VAC14: variants seen among roughly 807,000 people sequenced by gnomAD.
VAC14 encodes VAC14 component of PIKFYVE complex, also known as protein VAC14 homolog.
A neutral mutation model predicts 85.3 loss-of-function variants in VAC14; 47 were observed. The ratio of observed to expected loss-of-function variants is 0.55; its 90% confidence interval spans 0.44 to 0.70. VAC14 has a LOEUF of 0.70. Ranked by LOEUF, VAC14 falls within the 30% of genes least tolerant of loss-of-function variation. The probability of loss-of-function intolerance (pLI) is 0.00; values close to 1 mark genes in which losing one functional copy is unlikely to be tolerated. For synonymous variants in VAC14, 447 were observed against 430.5 expected (o/e 1.04, Z -0.47); for missense variants, 861 against 1,004.3 (o/e 0.86, Z 1.93).
At chr16:70,707,094 C>A (rs71401828) in intron 14 of VAC14, among the ~76,000 whole-genome samples, 1 of 152,192 alleles carries the variant, frequency 6.6e-6, no homozygotes, top group African/African-American at 2.4e-5. Context: ...GGAGTAGCCT[C>A]CCATCTCTAG....
chr16:70,759,364 T>C lies in VAC14; in HGVS notation c.1371+3176A>G, dbSNP rs185837772. On this transcript the variant is annotated intron_variant, in intron 12 of 18. Transcript: ENST00000261776. Reference sequence around the variant, plus strand: ...CATACCAGCTGGGCATGGTGGCTCATGCCTGTAATCCCAGCACTTCGGGAG... The same window carrying C: ...CATACCAGCTGGGCATGGTGGCTCACGCCTGTAATCCCAGCACTTCGGGAG... 8.5e-5 allele frequency among the ~76,000 whole-genome samples: 13 copies of C among 152,326 alleles called. No individual in the cohort carries two copies. In the East Asian group the frequency reaches 2.1e-3, roughly 25 times the overall value.
chr16:70,702,676 G>A (rs977541897), intron 14 of VAC14, among the ~76,000 whole-genome samples: 13 of 152,224 alleles, frequency 8.5e-5, no homozygotes, highest in African/African-American at 2.9e-4. Context: ...TAATAATAGC[G>A]GAAGTGTTGG....
intron 12 of VAC14, among the ~76,000 whole-genome samples, chr16:70,749,832 C>G (rs2031234650): frequency 6.6e-6 from 1 of 152,226 alleles, no homozygotes; most frequent in African/African-American, 2.4e-5. Context: ...GGCTCTGGAG[C>G]ACCAATCTCG....
At chr16:70,689,438 GA>G in intron 18 of VAC14, 1 of 985,056 alleles carries the variant, frequency 1.0e-6, no homozygotes, top group Non-Finnish European at 1.2e-6. Flanking sequence ...AGTCCAGCAG[GA>G]AGAGTCAACG....
In VAC14 at chr16:70,752,198, C is replaced by T. The variant is rs577030009; in HGVS notation, c.1372-7619G>A. Among the ~76,000 whole-genome samples, 5 of 152,350 alleles carry T rather than the reference C, an allele frequency of 3.3e-5. No individual in the cohort carries two copies. The South Asian group carries it at 1.0e-3, about 32-fold the overall frequency. Reference sequence around the variant, plus strand: ...CTTTCCTTCAGTGTCCAGCACTGTGCCACATATGCCAGAGGCCAGCGCCTA... The same window carrying T: ...CTTTCCTTCAGTGTCCAGCACTGTGTCACATATGCCAGAGGCCAGCGCCTA... On this transcript the variant is annotated intron_variant, in intron 12 of 18. Coordinates refer to ENST00000261776, the MANE Select transcript of VAC14 (RefSeq NM_018052.5).
Position 70,762,626 on chromosome 16 carries a change from G to T in VAC14, c.1306-21C>A. On this transcript the variant is annotated intron_variant, in intron 11 of 18. Coordinates refer to ENST00000261776, the MANE Select transcript of VAC14 (RefSeq NM_018052.5). This position sits in a 1 kb window ranked among gnomAD's most constrained non-coding sequence, Gnocchi z 4.1. ...AACATCTGGAGGGCAGAGAAGCAGG[G>T]GTGCCCGTGAGTGCTCCCTTCGCCC... 6.2e-7 allele frequency: 1 copy of T among 1,613,030 alleles called. No homozygotes were observed. Among genetic ancestry groups the T allele is most frequent in the Non-Finnish European group, 8.5e-7 (1 of 1,179,232 alleles).
At chr16:70,730,313 A>G (rs532617226) in intron 14 of VAC14, among the ~76,000 whole-genome samples, 7 of 152,070 alleles carry the variant, frequency 4.6e-5, no homozygotes, top group African/African-American at 1.7e-4. Context: ...TCCCCTGCTC[A>G]AGCCCTGTCA....
At chr16:70,795,326 C>A (rs947610469) in intron 1 of VAC14, among the ~76,000 whole-genome samples, 3 of 151,696 alleles carry the variant, frequency 2.0e-5, no homozygotes, top group Admixed American at 1.3e-4. Context: ...ACAACAACAA[C>A]AAAAAACAAC....
chr16:70,786,902 A>T (rs146948859), intron 1 of VAC14, among the ~76,000 whole-genome samples: 10 of 152,346 alleles, frequency 6.6e-5, no homozygotes, highest in Non-Finnish European at 1.3e-4. Context: ...CAGGAGGGCT[A>T]CAGGGAGGTG....
intron 14 of VAC14, chr16:70,700,318 G>A (rs183783691): frequency 1.3e-5 from 2 of 152,270 alleles, no homozygotes; most frequent in East Asian, 1.9e-4. Flanking sequence ...GCACAGGGAG[G>A]GGGTGGCGGC....
chr16:70,697,243 C>T lies in VAC14; in HGVS notation c.1851G>A (p.Leu617=), dbSNP rs772759689. Reference sequence around the variant, plus strand: ...ACCAGGAGCGGTACAGGCAGCAGAACAGGTTCTGGCTCTCCTGTGGGGGAA... The same window carrying T: ...ACCAGGAGCGGTACAGGCAGCAGAATAGGTTCTGGCTCTCCTGTGGGGGAA... ...KDLKTLESQN[L]FCCLYRSWCH... is the part of the protein sequence containing the mutation. Residue 617 remains leucine (L), a synonymous_variant, in exon 16 of 19, where the codon CTG becomes CTA. Coordinates refer to ENST00000261776, the MANE Select transcript of VAC14 (RefSeq NM_018052.5). The T allele has an allele frequency of 6.2e-7, 1 of 1,613,760 alleles. No homozygotes were observed. Among genetic ancestry groups the T allele is most frequent in the Non-Finnish European group, 8.5e-7 (1 of 1,179,846 alleles).
chr16:70,741,507 C>T (rs866479718), intron 13 of VAC14, among the ~76,000 whole-genome samples: 1 of 152,190 alleles, frequency 6.6e-6, no homozygotes, highest in African/African-American at 2.4e-5. Flanking sequence ...TGTGGACACG[C>T]GCATGTGCAC....
At position 70,695,905 on chromosome 16, in the gene VAC14, G is replaced by T. The variant is rs574942611; in HGVS notation, c.1956-282C>A. ...CTTATCACAGCGCTGCAGCCCGTTG[G>T]GGGAGGGCTGGGCAGGAAGGGTTCT... On this transcript the variant is annotated intron_variant, in intron 16 of 18. Coordinates refer to ENST00000261776, the MANE Select transcript of VAC14 (RefSeq NM_018052.5). The T allele has an allele frequency of 1.9e-5, 6 of 310,422 alleles. No individual in the cohort carries two copies. The East Asian group carries it at 2.2e-4, about 11-fold the overall frequency. The allele number at this position is 310,422 out of a possible 1,614,324, so 19.2% of individuals were successfully genotyped here.
At chr16:70,749,250 G>C (rs997413564) in intron 12 of VAC14, among the ~76,000 whole-genome samples, 1 of 152,162 alleles carries the variant, frequency 6.6e-6, no homozygotes, top group South Asian at 2.1e-4. Flanking sequence ...TTCCAACCCC[G>C]CTTTCTCCCC....
At chr16:70,724,439 G>C (rs1465478838) in intron 14 of VAC14, among the ~76,000 whole-genome samples, 1 of 152,198 alleles carries the variant, frequency 6.6e-6, no homozygotes, top group African/African-American at 2.4e-5. Flanking sequence ...ATGCAGGCTG[G>C]GCCAGGCTCT....
At chr16:70,782,057 C>G (rs1224208365) in intron 7 of VAC14, 54 bp from the exon 8 acceptor site, 1 of 1,594,076 alleles carries the variant, frequency 6.3e-7, no homozygotes, top group Admixed American at 1.7e-5. Context: ...CCCGAGTGCT[C>G]CCTCCCATTG....
chr16:70,735,543 T>G (rs1340154998), intron 13 of VAC14, among the ~76,000 whole-genome samples: 1 of 152,228 alleles, frequency 6.6e-6, no homozygotes. Flanking sequence ...ACTTCCTGTA[T>G]GTCCTCTCAT....
At chr16:70,701,750 C>T (rs1010510412) in intron 14 of VAC14, among the ~76,000 whole-genome samples, 3 of 152,214 alleles carry the variant, frequency 2.0e-5, no homozygotes, top group Non-Finnish European at 2.9e-5. Flanking sequence ...CCCCTCACCT[C>T]GGCCTATAGG....
intron 17 of VAC14, among the ~76,000 whole-genome samples, chr16:70,694,646 G>A (rs1376108190): frequency 6.6e-6 from 1 of 152,224 alleles, no homozygotes; most frequent in Non-Finnish European, 1.5e-5. Context: ...GGCAGGGAAG[G>A]TGGCCACCAG....
Sources: allele counts gnomAD v4.1 joint callset (sites outside exome capture counted in the v4.1 genomes callset), GRCh38; gene constraint gnomAD v4.1.1; non-coding constraint Gnocchi (gnomAD v3.1); transcripts MANE v1.5; gene names NCBI Gene and HGNC (gene_info 2026-07-23, HGNC 2026-07-21).